The following PIK3CG variants were observed in gnomAD, a reference collection of about 807,000 sequenced individuals.
The protein encoded by PIK3CG is phosphatidylinositol-4,5-bisphosphate 3-kinase catalytic subunit gamma, also known as phosphatidylinositol 4,5-bisphosphate 3-kinase catalytic subunit gamma isoform.
PIK3CG carries 55 observed loss-of-function variants against 102.3 expected under a neutral mutation model. The ratio of observed to expected loss-of-function variants is 0.54; its 90% CI spans 0.43 to 0.67. PIK3CG has a LOEUF of 0.67. PIK3CG is among the 30% of genes least tolerant of loss of function. PIK3CG has a pLI of 0.00. For missense variants in PIK3CG, 1,258 were observed against 1,391.8 expected, an observed-to-expected ratio of 0.90 and a Z score of 1.53; for synonymous variants, 552 against 540.0, an observed-to-expected ratio of 1.02 and a Z score of -0.31.
rs548213493 is a variant in PIK3CG, at chr7:106,874,864, G to T, written c.2391+61G>T. On this transcript the variant is annotated intron_variant, in intron 5 of 10. Transcript: ENST00000496166. This position sits in a 1 kb window ranked among gnomAD's most constrained non-coding sequence, Gnocchi z 4.3. ...TGTCTTGAAGATGTCTAACGTGCTT[G>T]CTGGGGCCCAGTACTTAAAAGCTAA... The T allele has an allele frequency of 2.2e-4, 242 of 1,091,074 alleles. 2 individuals are homozygous for T. The South Asian group carries it at 3.0e-3, about 13-fold the overall frequency. 67.6% of individuals were successfully genotyped at this position (1,091,074 alleles called of 1,614,324 possible).
At position 106,884,528 on chromosome 7, in the gene PIK3CG, G is replaced by A. The variant is rs185647046; in HGVS notation, c.2872+262G>A. On this transcript the variant is annotated intron_variant, in intron 9 of 10. Transcript: ENST00000496166. This position sits in a 1 kb window ranked among gnomAD's most constrained non-coding sequence, Gnocchi z 4.2. ...TCTTTAAATGGAGTTTAAGACTGGA[G>A]CACATATTTAGAAGTCATTGTGTAG... 6.6e-6 allele frequency among the ~76,000 whole-genome samples: 1 copy of A among 152,156 alleles called. No homozygotes were observed. The highest frequency in any genetic ancestry group is 1.9e-4 in the East Asian group (1 of 5,192).
At position 106,883,058 on chromosome 7, in the gene PIK3CG, CACG is replaced by C; in HGVS notation, c.2658_2660del (p.Thr887del). ...GAATGATCGAGATTGTGAAAGACGC[CACG>C]ACAATTGCCAAAATTCAGCAAAGCA... On this transcript the variant is annotated inframe_deletion, in exon 8 of 11. Coordinates refer to ENST00000496166, the MANE Select transcript of PIK3CG (RefSeq NM_001282426.2). The surrounding 1 kb of genome is among the most constrained non-coding windows in gnomAD (Gnocchi z 5.8). The C allele has an allele frequency of 6.2e-7, 1 of 1,614,088 alleles. No individual in the cohort carries two copies. The highest frequency in any genetic ancestry group is 8.5e-7 in the Non-Finnish European group (1 of 1,180,002).
rs1315947023 is a variant in PIK3CG, at chr7:106,879,975, T to G, written c.2538+310T>G. ...CTTGATAACATAGAAAATAGCCATA[T>G]TTATCCCCAGCACTCACTTCATTCC... is the stretch of plus-strand genomic sequence containing the variant. On this transcript the variant is annotated intron_variant, in intron 6 of 10. Transcript: ENST00000496166. This position sits in a 1 kb window ranked among gnomAD's most constrained non-coding sequence, Gnocchi z 4.9. 1.3e-5 allele frequency among the ~76,000 whole-genome samples: 2 copies of G among 152,200 alleles called. No individual in the cohort carries two copies. Among genetic ancestry groups the G allele is most frequent in the East Asian group, 3.9e-4 (2 of 5,190 alleles).
chr7:106,871,135 AATAGTC>A (rs1562956353), intron 2 of PIK3CG, among the ~76,000 whole-genome samples: 3 of 152,254 alleles, frequency 2.0e-5, no homozygotes, highest in Admixed American at 2.0e-4. Context: ...TCTGAAGAAG[AATAGTC>A]ATTTGTAAAA....
Position 106,890,251 on chromosome 7 carries a change from G to A in PIK3CG, c.3030+3959G>A, listed in dbSNP as rs940636500. Reference sequence around the variant, plus strand: ...GGCTGGAATGCAGTGGTGTGATCTCGGCTCACTGCAACCTCTGCCTCCTGG... The same window carrying A: ...GGCTGGAATGCAGTGGTGTGATCTCAGCTCACTGCAACCTCTGCCTCCTGG... On this transcript the variant is annotated intron_variant, in intron 10 of 10. Coordinates refer to ENST00000496166, the MANE Select transcript of PIK3CG (RefSeq NM_001282426.2). This position sits in a 1 kb window ranked among gnomAD's most constrained non-coding sequence, Gnocchi z 4.2. Among the ~76,000 whole-genome samples the A allele has an allele frequency of 2.5e-4, 38 of 151,788 alleles. No homozygotes were observed. The highest frequency in any genetic ancestry group is 8.5e-4 in the African/African-American group (35 of 41,280).
At position 106,872,202 on chromosome 7, in the gene PIK3CG, CT is replaced by C. The variant is rs905982983; in HGVS notation, c.1996-334del. Among the ~76,000 whole-genome samples the C allele has an allele frequency of 1.3e-5, 2 of 152,200 alleles. No individual in the cohort carries two copies. The highest frequency in any genetic ancestry group is 4.8e-5 in the African/African-American group (2 of 41,452). On this transcript the variant is annotated intron_variant, in intron 2 of 10. Coordinates refer to ENST00000496166, the MANE Select transcript of PIK3CG (RefSeq NM_001282426.2). This position sits in a 1 kb window ranked among gnomAD's most constrained non-coding sequence, Gnocchi z 5.3. The stretch of plus-strand genomic sequence containing the variant: ...TGGTTACAGTGTCTCCATCTTCCCC[CT>C]CTACCCCTCCAACAAAACCAGTAAG...
chr7:106,868,322 A>G lies in PIK3CG; in HGVS notation c.761A>G (p.Lys254Arg), dbSNP rs2116437080. 1 of 1,614,254 alleles carries G rather than the reference A, an allele frequency of 6.2e-7. No individual in the cohort carries two copies. Among genetic ancestry groups the G allele is most frequent in the Non-Finnish European group, 8.5e-7 (1 of 1,180,052 alleles). Residue 254 changes from lysine (K) to arginine (R), a missense_variant, in exon 2 of 11, where the codon AAG becomes AGG. Around this residue, in one of 2 missense-constraint regions of PIK3CG, gnomAD observed 832 missense variants for 787.5 expected, o/e 1.06. Transcript: ENST00000496166. The surrounding 1 kb of genome is among the most constrained non-coding windows in gnomAD (Gnocchi z 6.2). ...ILQSFFTKMA[K>R]KKSLMDIPES... ...CAGAGCTTCTTCACCAAGATGGCCA[A>G]GAAGAAATCTCTGATGGATATTCCC...
chr7:106,886,006 A>T, intron 9 of PIK3CG, 129 bp from the exon 10 acceptor site: 1 of 804,072 alleles, frequency 1.2e-6, no homozygotes, highest in Non-Finnish European at 1.9e-6. Context: ...GAAAAATATC[A>T]CAAACTGACA....
At position 106,902,315 on chromosome 7, in the gene PIK3CG, A is replaced by G. The variant is rs1387081755; in HGVS notation, c.3031-2794A>G. Among the ~76,000 whole-genome samples the G allele has an allele frequency of 2.0e-5, 3 of 152,164 alleles. No homozygotes were observed. Among genetic ancestry groups the G allele is most frequent in the Non-Finnish European group, 4.4e-5 (3 of 68,030 alleles). On this transcript the variant is annotated intron_variant, in intron 10 of 10. Transcript: ENST00000496166. The surrounding 1 kb of genome is among the most constrained non-coding windows in gnomAD (Gnocchi z 4.3). Reference sequence around the variant, plus strand: ...CACACTGGCCTCCTCTCCTTGGGTCAGCTGCAGCTTGCTGGAGGTGTAAAA... The same window carrying G: ...CACACTGGCCTCCTCTCCTTGGGTCGGCTGCAGCTTGCTGGAGGTGTAAAA...
Position 106,869,487 on chromosome 7 carries a change from C to T in PIK3CG, c.1926C>T (p.Ala642=), listed in dbSNP as rs2116466893. The change falls in exon 2 of 11, where the codon GCC becomes GCT. Residue 642 remains alanine, a synonymous_variant. Transcript: ENST00000496166. The surrounding 1 kb of genome is among the most constrained non-coding windows in gnomAD (Gnocchi z 5.3). The part of the protein sequence containing the change: ...DCNFSDENVR[A]IAVQKLESLE... ...ACTTCTCAGATGAAAATGTAAGAGC[C>T]ATTGCAGTTCAGAAACTGGAGAGCT... The T allele has an allele frequency of 2.5e-6, 4 of 1,614,190 alleles. No individual in the cohort carries two copies. The highest frequency in any genetic ancestry group is 2.5e-6 in the Non-Finnish European group (3 of 1,180,020).
Position 106,884,047 on chromosome 7 carries a change from G to A in PIK3CG, c.2761-108G>A. The A allele has an allele frequency of 1.2e-6, 1 of 809,734 alleles. No homozygotes were observed. The highest frequency in any genetic ancestry group is 2.1e-6 in the Non-Finnish European group (1 of 486,956). 50.2% of individuals were successfully genotyped at this position (809,734 alleles called of 1,614,324 possible). ...TAATGAAATCAGGCACAACTAACTT[G>A]CTCTCTGAAAATGGTTTCCAGAATA... On this transcript the variant is annotated intron_variant, in intron 8 of 10. Transcript: ENST00000496166. The surrounding 1 kb of genome is among the most constrained non-coding windows in gnomAD (Gnocchi z 4.2).
chr7:106,876,961 G>A (rs1790768376), intron 5 of PIK3CG, among the ~76,000 whole-genome samples: 1 of 152,138 alleles, frequency 6.6e-6, no homozygotes. Context: ...ACTGTGGGAA[G>A]CCAAGGCGGG....
In PIK3CG at chr7:106,872,038, G is replaced by A. The variant is rs910999291; in HGVS notation, c.1996-499G>A. Among the ~76,000 whole-genome samples the A allele has an allele frequency of 5.3e-5, 8 of 152,336 alleles. No homozygotes were observed. Among genetic ancestry groups the A allele is most frequent in the African/African-American group, 1.9e-4 (8 of 41,572 alleles). On this transcript the variant is annotated intron_variant, in intron 2 of 10. Coordinates refer to ENST00000496166, the MANE Select transcript of PIK3CG (RefSeq NM_001282426.2). The surrounding 1 kb of genome is among the most constrained non-coding windows in gnomAD (Gnocchi z 5.3). ...TGTGAGACAGTTCAGTGACTTGCCAGTGAGATGCCGAAAAGGGAAGCTATA... is the reference window on the plus strand; with the variant it reads ...TGTGAGACAGTTCAGTGACTTGCCAATGAGATGCCGAAAAGGGAAGCTATA...
At position 106,883,513 on chromosome 7, in the gene PIK3CG, G is replaced by A. The variant is rs563192020; in HGVS notation, c.2760+350G>A. 5.9e-5 allele frequency among the ~76,000 whole-genome samples: 9 copies of A among 152,178 alleles called. No individual in the cohort carries two copies. The highest frequency in any genetic ancestry group is 9.6e-5 in the African/African-American group (4 of 41,514). ...TTAGTTACCATGTATAAACTCTTAC[G>A]TACCTGGGAAATACAACATACACAA... is the stretch of plus-strand genomic sequence containing the variant. On this transcript the variant is annotated intron_variant, in intron 8 of 10. Transcript: ENST00000496166. This position sits in a 1 kb window ranked among gnomAD's most constrained non-coding sequence, Gnocchi z 5.8.
At position 106,894,254 on chromosome 7, in the gene PIK3CG, A is replaced by G. The variant is rs976997543; in HGVS notation, c.3030+7962A>G. On this transcript the variant is annotated intron_variant, in intron 10 of 10. Coordinates refer to ENST00000496166, the MANE Select transcript of PIK3CG (RefSeq NM_001282426.2). The surrounding 1 kb of genome is among the most constrained non-coding windows in gnomAD (Gnocchi z 4.4). ...AGGCTGAAGGATAAATCACACACAC[A>G]CACACAGACACACACACACACCCCT... Among the ~76,000 whole-genome samples the G allele has an allele frequency of 3.7e-4, 56 of 152,134 alleles. No individual in the cohort carries two copies. The highest frequency in any genetic ancestry group is 1.3e-3 in the African/African-American group (54 of 41,434).
intron 10 of PIK3CG, among the ~76,000 whole-genome samples, chr7:106,896,019 G>A (rs1294844844): frequency 1.3e-5 from 2 of 152,220 alleles, no homozygotes; most frequent in African/African-American, 2.4e-5. Flanking sequence ...TGACAAGCAT[G>A]GGACGTGCAG....
chr7:106,882,924 A>AG lies in PIK3CG; in HGVS notation c.2630-109_2630-108insG, dbSNP rs2116541954. The AG allele has an allele frequency of 3.3e-6, 3 of 911,184 alleles. No homozygotes were observed. In the South Asian group the frequency reaches 6.1e-5, roughly 19 times the overall value. 56.4% of individuals were successfully genotyped at this position (911,184 alleles called of 1,614,324 possible). A position where few individuals can be genotyped will look rare whatever the true frequency, so the allele number is the denominator to read the frequency against. On this transcript the variant is annotated intron_variant, in intron 7 of 10. Coordinates refer to ENST00000496166, the MANE Select transcript of PIK3CG (RefSeq NM_001282426.2). ...GGAAAATAGCTCTCTGGTCAAAAAA[A>AG]AAAAAAAAAAAAACCCTCTGCCCTT...
chr7:106,882,974 C>T (rs1259314915), intron 7 of PIK3CG, 59 bp from the exon 8 acceptor site: 1 of 1,488,330 alleles, frequency 6.7e-7, no homozygotes, highest in African/African-American at 1.4e-5. Flanking sequence ...ATAGCCTTTC[C>T]TCCTCTGGGC....
At chr7:106,889,338 C>T (rs577225874) in intron 10 of PIK3CG, among the ~76,000 whole-genome samples, 1 of 149,430 alleles carries the variant, frequency 6.7e-6, no homozygotes, top group African/African-American at 2.4e-5. Context: ...TTGACTATGA[C>T]CTTGTGGTAA....
Sources: allele counts gnomAD v4.1 joint callset (sites outside exome capture counted in the v4.1 genomes callset), GRCh38; gene constraint gnomAD v4.1.1; regional missense constraint gnomAD v4.1.1; non-coding constraint Gnocchi (gnomAD v3.1); transcripts MANE v1.5; gene names NCBI Gene and HGNC (gene_info 2026-07-23, HGNC 2026-07-21).